PHACTR4: variants seen among roughly 807,000 people sequenced by gnomAD.
PHACTR4 encodes the protein protein phosphatase 1, regulatory subunit 124.
A neutral mutation model predicts 72.7 loss-of-function variants in PHACTR4; 51 were observed. The observed-to-expected ratio is 0.70, with a 90% CI of 0.56 to 0.89. PHACTR4 has a LOEUF of 0.89. PHACTR4 is among the 40% of genes least tolerant of loss of function. The probability of loss-of-function intolerance (pLI) is 0.00; values close to 1 mark genes in which losing one functional copy is unlikely to be tolerated. For synonymous variants in PHACTR4, 255 were observed against 302.5 expected, an observed-to-expected ratio of 0.84 and a Z score of 1.63; for missense variants, 731 against 861.8, an observed-to-expected ratio of 0.85 and a Z score of 1.90.
chr1:28,470,665 C>T (rs1299132331), intron 6 of PHACTR4, among the ~76,000 whole-genome samples: 1 of 151,828 alleles, frequency 6.6e-6, no homozygotes, highest in East Asian at 1.9e-4. Flanking sequence ...CCACTGCACT[C>T]CAGTGACACA....
At chr1:28,452,421 A>G (rs4130543) in intron 2 of PHACTR4, among the ~76,000 whole-genome samples, 15,806 of 152,192 alleles carry the variant, frequency 0.1, 1,893 homozygotes, top group African/African-American at 0.3. Context: ...TGGGAGGATC[A>G]CTTGATCCCA....
Position 28,497,601 on chromosome 1 carries a change from G to A in PHACTR4, c.*1052G>A, listed in dbSNP as rs1360404017. On this transcript the variant is annotated 3_prime_UTR_variant, in exon 14 of 14. Transcript: ENST00000373839. ...ATTTTCTATATACAAAAACAAGAAAGGCGTTTTGAGCCCCTGTGCTCAGGC... is the reference window on the plus strand; with the variant it reads ...ATTTTCTATATACAAAAACAAGAAAAGCGTTTTGAGCCCCTGTGCTCAGGC... 6.6e-6 allele frequency: 1 copy of A among 150,566 alleles called. No homozygotes were observed. The highest frequency in any genetic ancestry group is 2.4e-5 in the African/African-American group (1 of 40,820). 9.3% of individuals were successfully genotyped at this position (150,566 alleles called of 1,614,324 possible).
chr1:28,431,600 T>G (rs1382434723), intron 2 of PHACTR4, among the ~76,000 whole-genome samples: 2 of 152,004 alleles, frequency 1.3e-5, no homozygotes, highest in African/African-American at 4.8e-5. Context: ...CAGTCTGTCT[T>G]TAGTAATGAA....
chr1:28,442,395 C>T (rs1299714096), intron 2 of PHACTR4, among the ~76,000 whole-genome samples: 17 of 148,438 alleles, frequency 1.1e-4, no homozygotes, highest in Admixed American at 9.4e-4. Flanking sequence ...AACAAGGAGG[C>T]GGAGGATGCA....
intron 2 of PHACTR4, among the ~76,000 whole-genome samples, chr1:28,414,568 C>T (rs77145985): frequency 0.032 from 4,860 of 151,702 alleles, 117 homozygotes; most frequent in African/African-American, 0.045. Context: ...TGTAAAGATG[C>T]AGTCTCCCTA....
chr1:28,400,448 G>A (rs11809086), intron 1 of PHACTR4, among the ~76,000 whole-genome samples: 58,208 of 151,238 alleles, frequency 0.38, 12,890 homozygotes, highest in African/African-American at 0.6. Flanking sequence ...AAGTCTGGCT[G>A]CTTGCCACTC....
At chr1:28,493,224 G>A (rs1557853958) in intron 13 of PHACTR4, 133 bp downstream of exon 13, 5 of 764,948 alleles carry the variant, frequency 6.5e-6, no homozygotes, top group Non-Finnish European at 1.1e-5. Context: ...CATTCAAAGG[G>A]ATGAAAAGTA....
chr1:28,477,542 G>A (rs769832013), intron 8 of PHACTR4, among the ~76,000 whole-genome samples: 1 of 152,016 alleles, frequency 6.6e-6, no homozygotes, highest in Non-Finnish European at 1.5e-5. Flanking sequence ...TTTGATATAA[G>A]CATGTGTGTA....
intron 2 of PHACTR4, among the ~76,000 whole-genome samples, chr1:28,450,859 G>A (rs1265907796): frequency 4.0e-5 from 6 of 151,638 alleles, no homozygotes; most frequent in African/African-American, 1.5e-4. Context: ...GGCCCATGCT[G>A]GAGTGCAGTG....
intron 2 of PHACTR4, among the ~76,000 whole-genome samples, chr1:28,413,776 T>C (rs1014803613): frequency 6.6e-6 from 1 of 152,200 alleles, no homozygotes; most frequent in African/African-American, 2.4e-5. Flanking sequence ...TGTTAGAGTT[T>C]TTCTCTGATG....
intron 1 of PHACTR4, among the ~76,000 whole-genome samples, chr1:28,396,845 C>CTT (rs60578939): frequency 0.028 from 3,314 of 119,520 alleles, 157 homozygotes; most frequent in African/African-American, 0.1. Context: ...TTCTTTCTTT[C>CTT]TTTTTTTTTT....
intron 2 of PHACTR4, among the ~76,000 whole-genome samples, chr1:28,432,504 G>A (rs1656342972): frequency 5.3e-5 from 8 of 151,718 alleles, no homozygotes; most frequent in Admixed American, 2.6e-4. Context: ...AATTAGCTGG[G>A]TGGGTGGCAC....
At position 28,487,717 on chromosome 1, in the gene PHACTR4, G is replaced by GTTTTTTTT. The variant is rs1320016675; in HGVS notation, c.1761-1447_1761-1446insTTTTTTTT. On this transcript the variant is annotated intron_variant, in intron 9 of 13. Coordinates refer to ENST00000373839, the MANE Select transcript of PHACTR4 (RefSeq NM_001048183.3). The stretch of plus-strand genomic sequence containing the variant: ...CTGATTTCAAAAATGACAAATTGTA[G>GTTTTTTTT]TTTTTTGTTGTTTTTTTTTTTTTTT... Among the ~76,000 whole-genome samples, 102 of 102,436 alleles carry GTTTTTTTT rather than the reference G, an allele frequency of 1.0e-3. 8 individuals are homozygous for GTTTTTTTT. The highest frequency in any genetic ancestry group is 4.0e-3 in the African/African-American group (99 of 24,636). 67.2% of individuals were successfully genotyped at this position (102,436 alleles called of 152,430 possible). A position where few individuals can be genotyped will look rare whatever the true frequency, so the allele number is the denominator to read the frequency against.
At chr1:28,433,143 C>G (rs931016910) in intron 2 of PHACTR4, 33 of 940,474 alleles carry the variant, frequency 3.5e-5, no homozygotes, top group Admixed American at 6.2e-5. Context: ...AATAAGTACT[C>G]TAAAAAGGGA....
At chr1:28,438,364 G>GACAACATACATCAGACAAC (rs1189696302) in intron 2 of PHACTR4, 1 of 1,607,578 alleles carries the variant, frequency 6.2e-7, no homozygotes, top group Admixed American at 1.7e-5. Context: ...GTTGTCGTGA[G>GACAACATACATCAGACAAC]ATACATCAGA....
chr1:28,390,609 GT>G (rs1652934246), intron 1 of PHACTR4, among the ~76,000 whole-genome samples: 3 of 152,148 alleles, frequency 2.0e-5, no homozygotes, highest in Non-Finnish European at 4.4e-5. Flanking sequence ...GGCCAACATG[GT>G]GATACCCCTA....
At chr1:28,443,140 C>T (rs1657161252) in intron 2 of PHACTR4, among the ~76,000 whole-genome samples, 1 of 151,864 alleles carries the variant, frequency 6.6e-6, no homozygotes, top group African/African-American at 2.4e-5. Context: ...ATGAGATCAA[C>T]TTTTTTTTAG....
intron 2 of PHACTR4, chr1:28,438,117 G>C (rs1656749550): frequency 9.0e-7 from 1 of 1,111,268 alleles, no homozygotes; most frequent in Non-Finnish European, 1.1e-6. Flanking sequence ...CTGCACTTCA[G>C]CTCTACACAG....
chr1:28,489,681 A>C (rs1660914195), intron 10 of PHACTR4: 1 of 466,856 alleles, frequency 2.1e-6, no homozygotes, highest in Non-Finnish European at 4.3e-6. Context: ...GTAGTTACCA[A>C]ATGGGACCAT....
Sources: gnomAD v4.1 joint callset for allele counts (sites outside exome capture counted in the v4.1 genomes callset) on GRCh38, gnomAD v4.1.1 for gene constraint, MANE v1.5 for transcripts, NCBI Gene and HGNC (gene_info 2026-07-23, HGNC 2026-07-21) for gene names.